PARD3: variants seen among roughly 807,000 people sequenced by gnomAD.
The protein encoded by PARD3 is partitioning defective 3 homolog.
In PARD3, 75 loss-of-function variants were observed where a neutral mutation model predicts 155.4. The observed-to-expected ratio is 0.48, with a 90% CI of 0.40 to 0.58. PARD3 has a LOEUF of 0.58. Ranked by LOEUF, PARD3 falls within the 20% of genes least tolerant of loss-of-function variation. The probability of loss-of-function intolerance (pLI) is 0.00; values close to 1 mark genes in which losing one functional copy is unlikely to be tolerated. For missense variants in PARD3, 1,642 were observed against 1,721.7 expected, an observed-to-expected ratio of 0.95 and a Z score of 0.82; for synonymous variants, 576 against 610.5, an observed-to-expected ratio of 0.94 and a Z score of 0.83.
intron 12 of PARD3, among the ~76,000 whole-genome samples, chr10:34,367,955 T>A (rs1176493820): frequency 6.6e-6 from 1 of 151,812 alleles, no homozygotes; most frequent in Non-Finnish European, 1.5e-5. Flanking sequence ...TTTGAATTCT[T>A]GAAAGTTAAG....
At chr10:34,145,903 G>A (rs1292967267) in intron 22 of PARD3, among the ~76,000 whole-genome samples, 1 of 152,138 alleles carries the variant, frequency 6.6e-6, no homozygotes, top group Admixed American at 6.6e-5. Context: ...TTATGAAATG[G>A]TGGACAGGAA....
chr10:34,738,321 C>T (rs1333439572), intron 1 of PARD3, among the ~76,000 whole-genome samples: 1 of 152,206 alleles, frequency 6.6e-6, no homozygotes, highest in East Asian at 1.9e-4. Context: ...TCCATCTACT[C>T]AGACAGGAAG....
intron 21 of PARD3, among the ~76,000 whole-genome samples, chr10:34,280,894 C>T (rs1237796526): frequency 1.3e-5 from 2 of 152,134 alleles, no homozygotes; most frequent in African/African-American, 2.4e-5. Flanking sequence ...TGAGAAATAA[C>T]AGAGTAGAAA....
intron 15 of PARD3, chr10:34,344,162 T>TA (rs1299405370): frequency 8.1e-6 from 8 of 983,948 alleles, no homozygotes; most frequent in Admixed American, 6.2e-5. Context: ...GAGAAATAGT[T>TA]AAAGTCCCAG....
chr10:34,372,374 C>A (rs912764666), intron 12 of PARD3, 124 bp downstream of exon 12: 28 of 748,416 alleles, frequency 3.7e-5, no homozygotes, highest in Non-Finnish European at 5.2e-5. Context: ...ATTTAATAAA[C>A]CCATGTATTA....
chr10:34,307,473 GC>G (rs1957471004), intron 20 of PARD3, among the ~76,000 whole-genome samples: 1 of 152,192 alleles, frequency 6.6e-6, no homozygotes, highest in African/African-American at 2.4e-5. Context: ...TTGTTAAGCT[GC>G]ACATTCTAAT....
At chr10:34,767,594 C>T (rs546646086) in intron 1 of PARD3, among the ~76,000 whole-genome samples, 1 of 141,402 alleles carries the variant, frequency 7.1e-6, no homozygotes, top group South Asian at 2.8e-4. Context: ...CTGTTTGTTT[C>T]TTTGTCTGTT....
chr10:34,352,393 C>G (rs995053825), intron 14 of PARD3, among the ~76,000 whole-genome samples: 1 of 152,158 alleles, frequency 6.6e-6, no homozygotes, highest in East Asian at 1.9e-4. Context: ...CCTCTGATGC[C>G]GAGCCGAGGC....
chr10:34,353,239 G>A (rs959290248), intron 14 of PARD3, among the ~76,000 whole-genome samples: 3 of 152,224 alleles, frequency 2.0e-5, no homozygotes, highest in Non-Finnish European at 2.9e-5. Context: ...CATTGAGAAC[G>A]GGCCATGATG....
At chr10:34,608,335 A>G (rs952268325) in intron 2 of PARD3, among the ~76,000 whole-genome samples, 1 of 152,184 alleles carries the variant, frequency 6.6e-6, no homozygotes, top group African/African-American at 2.4e-5. Context: ...CGTAAGAGAT[A>G]ATACAAACGT....
intron 2 of PARD3, among the ~76,000 whole-genome samples, chr10:34,611,768 C>T (rs2090906372): frequency 6.6e-6 from 1 of 151,116 alleles, no homozygotes; most frequent in Admixed American, 6.6e-5. Context: ...TTTTCATCCA[C>T]GTACATGAAG....
chr10:34,126,384 T>C (rs573320890), intron 23 of PARD3, among the ~76,000 whole-genome samples: 9 of 152,358 alleles, frequency 5.9e-5, no homozygotes, highest in Admixed American at 1.3e-4. Flanking sequence ...TGTAAAGTAA[T>C]TGGCTTACAT....
intron 22 of PARD3, among the ~76,000 whole-genome samples, chr10:34,145,423 A>C (rs2132910012): frequency 6.6e-6 from 1 of 151,114 alleles, no homozygotes; most frequent in African/African-American, 2.4e-5. Flanking sequence ...TCTTTCTAGA[A>C]ATTGTTTTCT....
chr10:34,553,470 G>A (rs2084753227), intron 2 of PARD3, among the ~76,000 whole-genome samples: 1 of 152,124 alleles, frequency 6.6e-6, no homozygotes, highest in Non-Finnish European at 1.5e-5. Flanking sequence ...TAAAATTAGG[G>A]TATGGGATAA....
chr10:34,403,690 T>C (rs1353669637), intron 5 of PARD3, among the ~76,000 whole-genome samples: 1 of 152,140 alleles, frequency 6.6e-6, no homozygotes, highest in East Asian at 1.9e-4. Flanking sequence ...AATATGTACT[T>C]CTTAGTCATC....
intron 2 of PARD3, among the ~76,000 whole-genome samples, chr10:34,536,660 G>A (rs1161262707): frequency 6.6e-6 from 1 of 152,156 alleles, no homozygotes; most frequent in African/African-American, 2.4e-5. Context: ...AATCTTTAGT[G>A]TGGACAGTGT....
Position 34,684,820 on chromosome 10 carries a change from C to CACACACAT in PARD3, c.222+11497_222+11498insATGTGTGT, listed in dbSNP as rs1554810168. Among the ~76,000 whole-genome samples the CACACACAT allele has an allele frequency of 6.3e-4, 79 of 125,626 alleles. 1 individual carries two copies. Among genetic ancestry groups the CACACACAT allele is most frequent in the Middle Eastern group, 3.8e-3 (1 of 264 alleles). The allele number at this position is 125,626 out of a possible 152,430, so 82.4% of individuals were successfully genotyped here. ...ACACACACACACACACACACACACA[C>CACACACAT]ACACACACACATATATACACACACA... is the stretch of plus-strand genomic sequence containing the variant. On this transcript the variant is annotated intron_variant, in intron 2 of 24. Transcript: ENST00000374788.
chr10:34,576,172 T>A (rs1189051797), intron 2 of PARD3, among the ~76,000 whole-genome samples: 1 of 152,212 alleles, frequency 6.6e-6, no homozygotes, highest in Non-Finnish European at 1.5e-5. Context: ...TGGGAATCCA[T>A]GATAAAGTAT....
intron 20 of PARD3, among the ~76,000 whole-genome samples, chr10:34,304,018 A>G (rs1957280951): frequency 6.6e-6 from 1 of 152,216 alleles, no homozygotes; most frequent in Non-Finnish European, 1.5e-5. Context: ...GGGAATGCGC[A>G]GCACAGAGCC....
Sources: allele counts gnomAD v4.1 joint callset (sites outside exome capture counted in the v4.1 genomes callset), GRCh38; gene constraint gnomAD v4.1.1; transcripts MANE v1.5; gene names NCBI Gene and HGNC (gene_info 2026-07-23, HGNC 2026-07-21).